Variants in RGS6 observed in about 807,000 individuals in gnomAD.
The protein encoded by RGS6 is regulator of G protein signaling 6.
In RGS6, 30 loss-of-function variants were observed where a neutral mutation model predicts 78.5. The ratio of observed to expected loss-of-function variants is 0.38; its 90% CI spans 0.29 to 0.52. The LOEUF is 0.52. Ranked by LOEUF, RGS6 falls within the 20% of genes least tolerant of loss-of-function variation. RGS6 has a pLI of 0.85. For missense variants in RGS6, 495 were observed against 609.7 expected (o/e 0.81, Z 1.98); for synonymous variants, 206 against 206.0 (o/e 1.00, Z 0.00).
At chr14:71,904,658 C>G in the RGS6 span, among the ~76,000 whole-genome samples, 80 of 152,288 alleles carry the variant, frequency 5.3e-4, no homozygotes, top group African/African-American at 1.9e-3. Flanking sequence ...TTGCATAAGT[C>G]AGAGTTGGGT....
At chr14:72,520,509 G>A (rs1382269789) in intron 15 of RGS6, among the ~76,000 whole-genome samples, 1 of 152,130 alleles carries the variant, frequency 6.6e-6, no homozygotes, top group Non-Finnish European at 1.5e-5. Context: ...ATATCCATTA[G>A]TTAATTAGAG....
intron 2 of RGS6, among the ~76,000 whole-genome samples, chr14:72,222,975 A>G (rs1281158707): frequency 2.0e-5 from 3 of 152,212 alleles, no homozygotes; most frequent in Admixed American, 6.5e-5. Flanking sequence ...TCGTATCACA[A>G]ACTCCAACTG....
At chr14:72,183,313 C>G (rs891337459) in intron 2 of RGS6, among the ~76,000 whole-genome samples, 20 of 152,194 alleles carry the variant, frequency 1.3e-4, no homozygotes, top group Admixed American at 1.3e-3. Flanking sequence ...GCAAACGTCT[C>G]TTCTGTCTTT....
chr14:72,192,608 C>T (rs1272425152), intron 2 of RGS6, among the ~76,000 whole-genome samples: 3 of 152,226 alleles, frequency 2.0e-5, no homozygotes, highest in African/African-American at 7.2e-5. Context: ...TTCTAGACCT[C>T]CCCTCCTGCT....
intron 15 of RGS6, among the ~76,000 whole-genome samples, chr14:72,528,722 AAG>A (rs767506347): frequency 2.0e-4 from 30 of 152,292 alleles, no homozygotes; most frequent in Admixed American, 1.2e-3. Context: ...CAAAGCAAGA[AAG>A]AGAGAGAGCA....
In RGS6 at chr14:72,465,747, T is replaced by G. The variant is rs1218430965; in HGVS notation, c.395-11T>G. 6.2e-7 allele frequency: 1 copy of G among 1,609,950 alleles called. No individual in the cohort carries two copies. Among genetic ancestry groups the G allele is most frequent in the South Asian group, 1.1e-5 (1 of 90,930 alleles). Reference sequence around the variant, plus strand: ...GTTTTGTACATGTTGTCATTTCCTTTCTTCCCTCAGCCATCTATCTCTGTA... The same window carrying G: ...GTTTTGTACATGTTGTCATTTCCTTGCTTCCCTCAGCCATCTATCTCTGTA... On this transcript the variant is annotated splice_polypyrimidine_tract_variant and intron_variant, in intron 6 of 17. Transcript: ENST00000553525.
At chr14:72,210,549 C>T (rs922064977) in intron 2 of RGS6, among the ~76,000 whole-genome samples, 2 of 152,088 alleles carry the variant, frequency 1.3e-5, no homozygotes, top group African/African-American at 2.4e-5. Context: ...AGGTCTTTGT[C>T]CTGAAGAACA....
chr14:72,156,928 G>A (rs2096781502), intron 2 of RGS6, among the ~76,000 whole-genome samples: 1 of 152,152 alleles, frequency 6.6e-6, no homozygotes, highest in South Asian at 2.1e-4. Context: ...AACCAAGACT[G>A]AGACAATCAG....
chr14:72,155,900 GC>G (rs1457755299), intron 2 of RGS6, among the ~76,000 whole-genome samples: 1 of 152,248 alleles, frequency 6.6e-6, no homozygotes, highest in Non-Finnish European at 1.5e-5. Flanking sequence ...TCAGCTCTAT[GC>G]CAGTGAGAAA....
intron 3 of RGS6, among the ~76,000 whole-genome samples, chr14:72,372,268 T>G (rs2083657911): frequency 6.6e-6 from 1 of 152,232 alleles, no homozygotes; most frequent in Non-Finnish European, 1.5e-5. Flanking sequence ...CACGTTGACT[T>G]TAATAAGGCA....
chr14:72,424,543 G>T (rs2094349397), intron 3 of RGS6, among the ~76,000 whole-genome samples: 1 of 152,040 alleles, frequency 6.6e-6, no homozygotes, highest in South Asian at 2.1e-4. Flanking sequence ...GGGAGTCTTT[G>T]TTTCAGAGGG....
intron 2 of RGS6, among the ~76,000 whole-genome samples, chr14:72,302,468 T>C (rs2066284698): frequency 6.6e-6 from 1 of 152,248 alleles, no homozygotes; most frequent in Admixed American, 6.5e-5. Context: ...AGTCTTGTCC[T>C]TCCCACTTCT....
intron 2 of RGS6, among the ~76,000 whole-genome samples, chr14:72,310,998 G>C (rs1049501195): frequency 3.3e-5 from 5 of 152,236 alleles, no homozygotes; most frequent in African/African-American, 9.6e-5. Flanking sequence ...GGGTCCTGCT[G>C]TGTTCCAGCC....
chr14:71,886,236 T>A, the RGS6 span, among the ~76,000 whole-genome samples: 1 of 152,230 alleles, frequency 6.6e-6, no homozygotes, highest in Non-Finnish European at 1.5e-5. Context: ...GTAAAGTAGC[T>A]TCATCCTTAT....
intron 1 of RGS6, among the ~76,000 whole-genome samples, chr14:71,963,954 C>G (rs888380399): frequency 6.6e-6 from 1 of 151,808 alleles, no homozygotes; most frequent in Admixed American, 6.6e-5. Context: ...TCAGCAGTGA[C>G]TGTGTCATTT....
intron 2 of RGS6, among the ~76,000 whole-genome samples, chr14:72,230,903 G>T (rs2049394628): frequency 6.6e-6 from 1 of 152,140 alleles, no homozygotes; most frequent in Non-Finnish European, 1.5e-5. Flanking sequence ...GGGTACCGTA[G>T]CCTTGCCAAG....
At chr14:72,244,847 A>G (rs984459075) in intron 2 of RGS6, among the ~76,000 whole-genome samples, 11 of 151,868 alleles carry the variant, frequency 7.2e-5, no homozygotes, top group Admixed American at 3.3e-4. Flanking sequence ...TTTTTGAGAC[A>G]AGAGTCTCAC....
In RGS6 at chr14:72,459,691, C is replaced by G. The variant is rs549848671; in HGVS notation, c.394+8C>G. On this transcript the variant is annotated splice_region_variant and intron_variant, in intron 6 of 17. Transcript: ENST00000553525. Reference sequence around the variant, plus strand: ...CTGAAAACACTGACTATGGTGAGAACTGAAGCCACTGGGAACTCTCAACTT... The same window carrying G: ...CTGAAAACACTGACTATGGTGAGAAGTGAAGCCACTGGGAACTCTCAACTT... 3.1e-6 allele frequency: 5 copies of G among 1,613,998 alleles called. No individual in the cohort carries two copies. The South Asian group carries it at 5.5e-5, about 18-fold the overall frequency.
rs960392887 is a variant in RGS6, at chr14:72,564,531, G to C, written c.*2064G>C. Reference sequence around the variant, plus strand: ...CCCAGCCTTGCCCAAGGATCCCCGGGCTGTGCTGACCCCTAGGCATAGGGC... The same window carrying C: ...CCCAGCCTTGCCCAAGGATCCCCGGCCTGTGCTGACCCCTAGGCATAGGGC... On this transcript the variant is annotated 3_prime_UTR_variant, in exon 18 of 18. Coordinates refer to ENST00000553525, the MANE Select transcript of RGS6 (RefSeq NM_001204424.2). 3 of 152,312 alleles carry C rather than the reference G, an allele frequency of 2.0e-5. No individual in the cohort carries two copies. Among genetic ancestry groups the C allele is most frequent in the African/African-American group, 7.2e-5 (3 of 41,460 alleles). 9.4% of individuals were successfully genotyped at this position (152,312 alleles called of 1,614,324 possible). A position where few individuals can be genotyped will look rare whatever the true frequency, so the allele number is the denominator to read the frequency against.
Sources: gnomAD v4.1 joint callset for allele counts (sites outside exome capture counted in the v4.1 genomes callset) on GRCh38, gnomAD v4.1.1 for gene constraint, MANE v1.5 for transcripts, NCBI Gene and HGNC (gene_info 2026-07-23, HGNC 2026-07-21) for gene names.